PGD: variants seen among roughly 807,000 people sequenced by gnomAD.
PGD encodes 6-phosphogluconate dehydrogenase, decarboxylating.
PGD carries 21 observed loss-of-function variants against 60.4 expected under a neutral mutation model. The observed-to-expected ratio is 0.35, with a 90% CI of 0.25 to 0.50. The LOEUF is 0.50. Among genes scored for constraint, PGD ranks in the 20% least tolerant of loss-of-function variants. The probability of loss-of-function intolerance (pLI) is 0.98; values close to 1 mark genes in which losing one functional copy is unlikely to be tolerated. For synonymous variants in PGD, 230 were observed against 235.9 expected (o/e 0.97, Z 0.23); for missense variants, 477 against 613.1 (o/e 0.78, Z 2.34).
chr1:10,418,003 C>T (rs902660475), intron 10 of PGD, among the ~76,000 whole-genome samples: 14 of 152,218 alleles, frequency 9.2e-5, no homozygotes, highest in African/African-American at 3.4e-4. Flanking sequence ...TGAGCCACTG[C>T]GCCCGGCTCC....
rs368855061 is a variant in PGD, at chr1:10,407,980, GGTTGGTGTCTATGGGTAT to G, written c.450-71_450-54del. The G allele has an allele frequency of 3.6e-3, 2,794 of 770,604 alleles. 21 individuals carry two copies. Among genetic ancestry groups the G allele is most frequent in the African/African-American group, 0.026 (1,492 of 57,424 alleles). The allele number at this position is 770,604 out of a possible 1,614,324, so 47.7% of individuals were successfully genotyped here. On this transcript the variant is annotated intron_variant, in intron 5 of 12. Transcript: ENST00000270776. ...AAAAAAAAAGAAAGGAAAAGATAGG[GGTTGGTGTCTATGGGTAT>G]GTTGGTGTCTATGGGTATGGGCTCT...
chr1:10,411,340 G>C (rs1400605836), intron 6 of PGD, 78 bp from the exon 7 acceptor site: 3 of 1,536,294 alleles, frequency 2.0e-6, no homozygotes, highest in East Asian at 2.3e-5. Flanking sequence ...CAGGGATGTT[G>C]GCATGAAAGC....
chr1:10,408,120 G>C lies in PGD; in HGVS notation c.499G>C (p.Gly167Arg). The C allele has an allele frequency of 6.2e-7, 1 of 1,600,974 alleles. No individual in the cohort carries two copies. The highest frequency in any genetic ancestry group is 8.6e-7 in the Non-Finnish European group (1 of 1,167,878). ...AGGCATTGCTGCAAAAGTGGGAACTGGAGAACCCTGCTGTGACTGGGCAAG... is the reference window on the plus strand; with the variant it reads ...AGGCATTGCTGCAAAAGTGGGAACTCGAGAACCCTGCTGTGACTGGGCAAG... ...FQGIAAKVGTGEPCCDWVGDE... is the reference protein window; with the variant it reads ...FQGIAAKVGTREPCCDWVGDE... Residue 167 changes from glycine (G) to arginine (R), a missense_variant, in exon 6 of 13, where the codon GGA becomes CGA. By Grantham distance (125) the Gly-to-Arg change is moderately radical. This residue lies in a region of PGD where 431 missense variants were observed against 556.6 expected (regional missense o/e 0.77). Coordinates refer to ENST00000270776, the MANE Select transcript of PGD (RefSeq NM_002631.4).
At position 10,402,933 on chromosome 1, in the gene PGD, G is replaced by A. The variant is rs144322550; in HGVS notation, c.265-138G>A. The A allele has an allele frequency of 2.8e-3, 1,861 of 658,398 alleles. 8 individuals are homozygous for A. The highest frequency in any genetic ancestry group is 3.4e-3 in the Non-Finnish European group (1,238 of 360,324). 40.8% of individuals were successfully genotyped at this position (658,398 alleles called of 1,614,324 possible). On this transcript the variant is annotated intron_variant, in intron 3 of 12. Transcript: ENST00000270776. ...TTCAGGGTTTCAGTGAGCCATGTTC[G>A]CACTCCTGCATTCCAAGCTGGGCAA...
chr1:10,419,810 G>A lies in PGD; in HGVS notation c.*61G>A, dbSNP rs2124219656. Reference sequence around the variant, plus strand: ...ACCAGGACATTCCATGTGCCTCATGGCACTGCCACCTGGCCCTTTGCCCTA... The same window carrying A: ...ACCAGGACATTCCATGTGCCTCATGACACTGCCACCTGGCCCTTTGCCCTA... On this transcript the variant is annotated 3_prime_UTR_variant, in exon 13 of 13. Coordinates refer to ENST00000270776, the MANE Select transcript of PGD (RefSeq NM_002631.4). 6.3e-7 allele frequency: 1 copy of A among 1,592,822 alleles called. No individual in the cohort carries two copies. The highest frequency in any genetic ancestry group is 1.7e-4 in the Middle Eastern group (1 of 5,980).
chr1:10,399,766 A>G (rs1002254781), intron 2 of PGD, 62 bp downstream of exon 2: 164 of 1,437,906 alleles, frequency 1.1e-4, no homozygotes, highest in Non-Finnish European at 1.5e-4. Flanking sequence ...GAGGCCGGCG[A>G]TAGGTTTGGG....
At chr1:10,400,670 T>TC in intron 3 of PGD, 98 bp downstream of exon 3, 9 of 939,156 alleles carry the variant, frequency 9.6e-6, no homozygotes, top group African/African-American at 1.7e-5. Flanking sequence ...TTTTTTTTTT[T>TC]CAATTTCTGC....
chr1:10,409,262 GC>G (rs1169392385), intron 6 of PGD, among the ~76,000 whole-genome samples: 17 of 152,182 alleles, frequency 1.1e-4, no homozygotes, highest in African/African-American at 4.1e-4. Context: ...TCCTAGGCCT[GC>G]CAGTGCTTGG....
chr1:10,403,362 CA>C (rs1487641356), intron 4 of PGD, among the ~76,000 whole-genome samples: 2 of 151,900 alleles, frequency 1.3e-5, no homozygotes, highest in Admixed American at 1.3e-4. Flanking sequence ...GAGACGGAGG[CA>C]GGTGGACCAA....
At chr1:10,411,768 C>T (rs1639505064) in intron 7 of PGD, among the ~76,000 whole-genome samples, 1 of 152,206 alleles carries the variant, frequency 6.6e-6, no homozygotes, top group Non-Finnish European at 1.5e-5. Flanking sequence ...TTATCATCAC[C>T]ACCATTTAGC....
chr1:10,399,359 G>T, intron 1 of PGD: 1 of 545,562 alleles, frequency 1.8e-6, no homozygotes, highest in Non-Finnish European at 3.1e-6. Flanking sequence ...CCCTTCGAGG[G>T]CCAGGGAGGA....
chr1:10,405,175 C>T (rs1476579270), intron 5 of PGD, among the ~76,000 whole-genome samples: 6 of 150,862 alleles, frequency 4.0e-5, no homozygotes, highest in African/African-American at 7.3e-5. Flanking sequence ...GAGATCTAGA[C>T]GATCCTGGCC....
chr1:10,419,332 C>A, intron 11 of PGD, 85 bp from the exon 12 acceptor site: 1 of 1,534,548 alleles, frequency 6.5e-7, no homozygotes. Context: ...ATCAGTTTTT[C>A]ATTTACCCAC....
intron 2 of PGD, 184 bp downstream of exon 2, chr1:10,399,888 T>TA: frequency 3.2e-6 from 2 of 619,352 alleles, no homozygotes; most frequent in Non-Finnish European, 5.8e-6. Context: ...ATCCCGAACT[T>TA]AGTCCTGCGG....
chr1:10,406,683 T>C (rs1397266576), intron 5 of PGD, among the ~76,000 whole-genome samples: 3 of 152,170 alleles, frequency 2.0e-5, no homozygotes, highest in African/African-American at 7.2e-5. Flanking sequence ...CAGAAACTTT[T>C]TGTGAGGAAG....
chr1:10,403,816 C>G (rs1208873916), intron 4 of PGD, among the ~76,000 whole-genome samples: 2 of 152,114 alleles, frequency 1.3e-5, no homozygotes, highest in African/African-American at 4.8e-5. Context: ...TGCTGAATGG[C>G]ATTAAGTTGT....
At chr1:10,410,701 T>G (rs1194740151) in intron 6 of PGD, among the ~76,000 whole-genome samples, 1 of 152,188 alleles carries the variant, frequency 6.6e-6, no homozygotes, top group Non-Finnish European at 1.5e-5. Flanking sequence ...TCCCAGTTGC[T>G]TGTCTATAGG....
At chr1:10,408,368 C>T (rs1167511142) in intron 6 of PGD, among the ~76,000 whole-genome samples, 1 of 151,988 alleles carries the variant, frequency 6.6e-6, no homozygotes, top group Non-Finnish European at 1.5e-5. Flanking sequence ...AAGCAGCCTT[C>T]TATAATTCAT....
intron 4 of PGD, 31 bp downstream of exon 4, chr1:10,403,167 G>C: frequency 1.3e-6 from 2 of 1,484,538 alleles, no homozygotes; most frequent in African/African-American, 1.4e-5. Flanking sequence ...ATTCTTCCAG[G>C]TTCCGAGAAC....
Sources: allele counts gnomAD v4.1 joint callset (sites outside exome capture counted in the v4.1 genomes callset), GRCh38; gene constraint gnomAD v4.1.1; regional missense constraint gnomAD v4.1.1; transcripts MANE v1.5; gene names NCBI Gene and HGNC (gene_info 2026-07-23, HGNC 2026-07-21).